The following DACH1 variants were observed in gnomAD, a reference collection of about 807,000 sequenced individuals.
DACH1 encodes the protein dachshund family transcription factor 1.
A neutral mutation model predicts 54.2 loss-of-function variants in DACH1; 12 were observed. That is an observed-to-expected ratio of 0.22 (90% CI 0.14 to 0.36). The LOEUF (loss-of-function observed/expected upper bound fraction) is 0.36. Among genes scored for constraint, DACH1 ranks in the 10% least tolerant of loss-of-function variants. The pLI is 1.00. For missense variants in DACH1, 805 were observed against 929.8 expected (o/e 0.87, Z 1.75); for synonymous variants, 386 against 366.2 (o/e 1.05, Z -0.62).
chr13:71,554,977 A>G (rs779402217), intron 6 of DACH1, among the ~76,000 whole-genome samples: 11 of 152,154 alleles, frequency 7.2e-5, no homozygotes, highest in African/African-American at 2.2e-4. Flanking sequence ...TGTTATTCCA[A>G]TTCTAGTACT....
chr13:71,789,587 C>A (rs1439911298), intron 1 of DACH1, among the ~76,000 whole-genome samples: 2 of 151,934 alleles, frequency 1.3e-5, no homozygotes, highest in African/African-American at 4.8e-5. Flanking sequence ...TGTAAGAGTA[C>A]ATTATAAATA....
intron 1 of DACH1, among the ~76,000 whole-genome samples, chr13:71,707,294 G>A (rs1882496985): frequency 6.6e-6 from 1 of 152,256 alleles, no homozygotes; most frequent in Non-Finnish European, 1.5e-5. Flanking sequence ...CAAGTCACGT[G>A]CTTGGAAGAG....
chr13:71,831,519 A>T (rs985383511), intron 1 of DACH1, among the ~76,000 whole-genome samples: 27 of 151,820 alleles, frequency 1.8e-4, no homozygotes, highest in African/African-American at 6.5e-4. Flanking sequence ...AACTTGTGAT[A>T]TATAGGGTGG....
chr13:71,766,341 G>A (rs1299828733), intron 1 of DACH1, among the ~76,000 whole-genome samples: 1 of 152,050 alleles, frequency 6.6e-6, no homozygotes, highest in African/African-American at 2.4e-5. Context: ...CCAATGGCCG[G>A]GCTTCATTCA....
intron 10 of DACH1, among the ~76,000 whole-genome samples, chr13:71,465,735 C>T (rs1876509928): frequency 6.6e-6 from 1 of 151,970 alleles, no homozygotes; most frequent in Admixed American, 6.6e-5. Context: ...TAATACTATA[C>T]TGTATAAAAA....
chr13:71,482,432 A>T (rs964134126), intron 7 of DACH1, among the ~76,000 whole-genome samples: 1 of 152,238 alleles, frequency 6.6e-6, no homozygotes, highest in Non-Finnish European at 1.5e-5. Context: ...ATCAGACAAT[A>T]TCTAAGGTTT....
intron 2 of DACH1, among the ~76,000 whole-genome samples, chr13:71,652,396 C>T (rs1878748084): frequency 1.3e-5 from 2 of 152,048 alleles, no homozygotes; most frequent in Admixed American, 6.6e-5. Context: ...ATTCAAACAC[C>T]TTATCTATAG....
chr13:71,562,352 C>A (rs1240757878), intron 4 of DACH1, among the ~76,000 whole-genome samples: 1 of 151,486 alleles, frequency 6.6e-6, no homozygotes, highest in Admixed American at 6.6e-5. Context: ...TGCAAATATG[C>A]AAATAAGTGG....
At chr13:71,724,580 T>C (rs994160683) in intron 1 of DACH1, among the ~76,000 whole-genome samples, 2 of 152,154 alleles carry the variant, frequency 1.3e-5, no homozygotes, top group Non-Finnish European at 2.9e-5. Flanking sequence ...TATACTTCCA[T>C]TTCTGAATTT....
chr13:71,561,654 T>C (rs1884591651), intron 4 of DACH1, among the ~76,000 whole-genome samples: 1 of 152,124 alleles, frequency 6.6e-6, no homozygotes, highest in Non-Finnish European at 1.5e-5. Context: ...AGGTACCCAG[T>C]TTCTGGTTCT....
At chr13:71,750,201 C>T (rs1884863686) in intron 1 of DACH1, among the ~76,000 whole-genome samples, 1 of 152,154 alleles carries the variant, frequency 6.6e-6, no homozygotes, top group African/African-American at 2.4e-5. Context: ...TTAACATCAT[C>T]TCCTCTAGAA....
chr13:71,642,952 G>A (rs1293065867), intron 2 of DACH1, among the ~76,000 whole-genome samples: 1 of 152,012 alleles, frequency 6.6e-6, no homozygotes, highest in Non-Finnish European at 1.5e-5. Context: ...ATGAACCTGG[G>A]AGGCAGAGGT....
rs1458431694 is a variant in DACH1 at position 71,657,586 on chromosome 13, A to AAT, written c.964+24208_964+24209insAT. Among the ~76,000 whole-genome samples, 12 of 151,228 alleles carry AAT rather than the reference A, an allele frequency of 7.9e-5. 1 individual carries two copies. Among genetic ancestry groups the AAT allele is most frequent in the Admixed American group, 7.9e-4 (12 of 15,146 alleles). ...AGACCCTGTCTCAAATAAAAAAAAAAAAAAAAGGTTTCTTTTTATTCTTTT... is the reference window on the plus strand; with the variant it reads ...AGACCCTGTCTCAAATAAAAAAAAAAATAAAAAAGGTTTCTTTTTATTCTTTT... On this transcript the variant is annotated intron_variant, in intron 2 of 10. Transcript: ENST00000613252.
At chr13:71,754,481 A>T (rs1566480442) in intron 1 of DACH1, among the ~76,000 whole-genome samples, 1 of 152,114 alleles carries the variant, frequency 6.6e-6, no homozygotes, top group Non-Finnish European at 1.5e-5. Flanking sequence ...GCTGCTGCCA[A>T]CCTGAACTAT....
At chr13:71,532,178 G>A (rs1421201677) in intron 6 of DACH1, among the ~76,000 whole-genome samples, 1 of 151,794 alleles carries the variant, frequency 6.6e-6, no homozygotes, top group African/African-American at 2.4e-5. Flanking sequence ...CCATCATTTT[G>A]AAAAGATAAT....
At chr13:71,764,049 A>T (rs1885515836) in intron 1 of DACH1, among the ~76,000 whole-genome samples, 2 of 152,226 alleles carry the variant, frequency 1.3e-5, no homozygotes, top group Non-Finnish European at 1.5e-5. Context: ...AGGGTTTATG[A>T]CACTAAAATA....
At chr13:71,678,395 T>G (rs1880693775) in intron 2 of DACH1, among the ~76,000 whole-genome samples, 1 of 152,194 alleles carries the variant, frequency 6.6e-6, no homozygotes, top group African/African-American at 2.4e-5. Context: ...TAGAAAAATT[T>G]TACATAAAAA....
chr13:71,748,900 CTTTCTTTCTT>C (rs1566476894), intron 1 of DACH1, among the ~76,000 whole-genome samples: 7 of 22,242 alleles, frequency 3.1e-4, no homozygotes, highest in South Asian at 1.4e-3. Flanking sequence ...CTTTCTTTCT[CTTTCTTTCTT>C]TCTTTCTTTC....
chr13:71,597,587 AC>A (rs1874186698), intron 3 of DACH1, among the ~76,000 whole-genome samples: 1 of 152,044 alleles, frequency 6.6e-6, no homozygotes, highest in South Asian at 2.1e-4. Context: ...TCATCAGTGC[AC>A]CCTGGGGTTG....
Sources: gnomAD v4.1 joint callset for allele counts (sites outside exome capture counted in the v4.1 genomes callset) on GRCh38, gnomAD v4.1.1 for gene constraint, MANE v1.5 for transcripts, NCBI Gene and HGNC (gene_info 2026-07-23, HGNC 2026-07-21) for gene names.